Variants in LRP1B observed in about 807,000 individuals in gnomAD.
LRP1B encodes LDL receptor related protein 1B.
LRP1B carries 217 observed loss-of-function variants against 556.6 expected under a neutral mutation model. The ratio of observed to expected loss-of-function variants is 0.39; its 90% CI spans 0.35 to 0.44. The LOEUF (loss-of-function observed/expected upper bound fraction) is 0.44, where lower values mean the gene tolerates loss of function less well. Among genes scored for constraint, LRP1B ranks in the 20% least tolerant of loss-of-function variants. The pLI is 1.00. For synonymous variants in LRP1B, 2,047 were observed against 1,865.8 expected (o/e 1.10, Z -2.50); for missense variants, 5,053 against 5,620.8 (o/e 0.90, Z 3.23).
chr2:141,505,404 A>G (rs1292937692), intron 2 of LRP1B, among the ~76,000 whole-genome samples: 1 of 152,094 alleles, frequency 6.6e-6, no homozygotes, highest in Non-Finnish European at 1.5e-5. Context: ...TACTTCTGGC[A>G]TCCATTGCTG....
At position 142,075,521 on chromosome 2, in the gene LRP1B, C is replaced by T. The variant is rs529621866; in HGVS notation, c.82+55127G>A. 2.6e-5 allele frequency among the ~76,000 whole-genome samples: 4 copies of T among 152,124 alleles called. No homozygotes were observed. The East Asian group carries it at 7.8e-4, about 30-fold the overall frequency. ...ATATAAGGTGCTTATAACCAATGAC[C>T]CACACCACTCTTTTAAAGAAGCACA... On this transcript the variant is annotated intron_variant, in intron 1 of 90. Coordinates refer to ENST00000389484, the MANE Select transcript of LRP1B (RefSeq NM_018557.3).
chr2:141,413,663 GCA>G (rs1690944158), intron 3 of LRP1B, among the ~76,000 whole-genome samples: 1 of 152,170 alleles, frequency 6.6e-6, no homozygotes, highest in Non-Finnish European at 1.5e-5. Flanking sequence ...TGTAATCCCA[GCA>G]CTTTGGGAGG....
At chr2:141,774,514 C>T (rs1694997876) in intron 2 of LRP1B, among the ~76,000 whole-genome samples, 1 of 152,078 alleles carries the variant, frequency 6.6e-6, no homozygotes, top group Non-Finnish European at 1.5e-5. Flanking sequence ...CACCTCCTAC[C>T]ATACTCCACC....
intron 1 of LRP1B, among the ~76,000 whole-genome samples, chr2:141,934,622 G>A (rs539598985): frequency 5.5e-4 from 84 of 152,064 alleles, no homozygotes; most frequent in Non-Finnish European, 1.1e-3. Flanking sequence ...ACATGTTGTG[G>A]GAGGGACCAG....
Position 140,280,471 on chromosome 2 carries a change from C to T in LRP1B, c.12968-5873G>A, listed in dbSNP as rs115011237. Among the ~76,000 whole-genome samples the T allele has an allele frequency of 6.7e-3, 1,014 of 151,488 alleles. 10 individuals are homozygous for T. Among genetic ancestry groups the T allele is most frequent in the African/African-American group, 0.023 (946 of 41,392 alleles). ...ACTGTACAGTTAATCATCTTATGAA[C>T]GATGTGTAATTTGGCTATAAATATA... On this transcript the variant is annotated intron_variant, in intron 84 of 90. Transcript: ENST00000389484.
intron 2 of LRP1B, among the ~76,000 whole-genome samples, chr2:141,776,064 T>C (rs1040520167): frequency 6.6e-6 from 1 of 152,178 alleles, no homozygotes; most frequent in Non-Finnish European, 1.5e-5. Flanking sequence ...GCCAGGATGG[T>C]CTCGATCTCC....
chr2:140,985,742 C>CT lies in LRP1B; in HGVS notation c.2771-3467dup, dbSNP rs539645930. Reference sequence around the variant, plus strand: ...GGACAATCTATTCTGGTCAATTGTTCTTTTTTTTTTCCCAGTGAAATATTT... The same window carrying CT: ...GGACAATCTATTCTGGTCAATTGTTCTTTTTTTTTTTCCCAGTGAAATATTT... On this transcript the variant is annotated intron_variant, in intron 17 of 90. Coordinates refer to ENST00000389484, the MANE Select transcript of LRP1B (RefSeq NM_018557.3). 4.2e-3 allele frequency among the ~76,000 whole-genome samples: 621 copies of CT among 147,884 alleles called. 2 individuals carry two copies. Among genetic ancestry groups the CT allele is most frequent in the African/African-American group, 0.011 (457 of 40,372 alleles).
chr2:140,963,757 G>A (rs1198037321), intron 18 of LRP1B, among the ~76,000 whole-genome samples: 2 of 152,082 alleles, frequency 1.3e-5, no homozygotes, highest in Admixed American at 6.6e-5. Context: ...AGGAGTTCAA[G>A]ACCAGTCTGG....
chr2:140,417,331 C>T (rs1246868149), intron 66 of LRP1B, among the ~76,000 whole-genome samples: 1 of 152,182 alleles, frequency 6.6e-6, no homozygotes, highest in Admixed American at 6.5e-5. Context: ...TTAGAAAAGG[C>T]TGCAGTTGAA....
intron 5 of LRP1B, among the ~76,000 whole-genome samples, chr2:141,235,480 G>A (rs1362141951): frequency 1.3e-5 from 2 of 152,114 alleles, no homozygotes; most frequent in East Asian, 3.9e-4. Flanking sequence ...CAAGTTTCCT[G>A]ATGGTGTTGG....
intron 2 of LRP1B, among the ~76,000 whole-genome samples, chr2:141,774,209 C>T (rs1027075569): frequency 1.1e-4 from 17 of 152,118 alleles, no homozygotes; most frequent in Admixed American, 9.2e-4. Flanking sequence ...TTTTTGATTG[C>T]TATAAATAAA....
chr2:141,370,628 G>T (rs1390786332), intron 3 of LRP1B, among the ~76,000 whole-genome samples: 2 of 151,866 alleles, frequency 1.3e-5, no homozygotes, highest in African/African-American at 4.8e-5. Flanking sequence ...TATTTCTTTT[G>T]CTGTGCAGAA....
intron 41 of LRP1B, among the ~76,000 whole-genome samples, chr2:140,667,092 C>T (rs145802897): frequency 1.4e-4 from 21 of 152,282 alleles, no homozygotes; most frequent in East Asian, 3.9e-4. Flanking sequence ...GAAAGTTAGG[C>T]GCATTGGCAT....
intron 2 of LRP1B, among the ~76,000 whole-genome samples, chr2:141,509,081 C>G (rs775539630): frequency 2.0e-5 from 3 of 152,048 alleles, no homozygotes; most frequent in Non-Finnish European, 2.9e-5. Context: ...CTTTGCAACT[C>G]CGGGTATCCA....
chr2:140,696,572 C>T (rs1461697138), intron 41 of LRP1B, among the ~76,000 whole-genome samples: 1 of 152,116 alleles, frequency 6.6e-6, no homozygotes, highest in African/African-American at 2.4e-5. Flanking sequence ...AACCCCTGGA[C>T]CACAGATGAG....
At chr2:140,611,112 C>T (rs944444657) in intron 41 of LRP1B, among the ~76,000 whole-genome samples, 2 of 152,146 alleles carry the variant, frequency 1.3e-5, no homozygotes, top group Non-Finnish European at 2.9e-5. Flanking sequence ...ATTATCATCC[C>T]CATTTTTCTA....
At chr2:140,739,213 C>G (rs1224820340) in intron 35 of LRP1B, among the ~76,000 whole-genome samples, 2 of 152,110 alleles carry the variant, frequency 1.3e-5, no homozygotes, top group Non-Finnish European at 2.9e-5. Flanking sequence ...ATGTCAGCCA[C>G]CATATGGGTG....
At chr2:142,015,320 T>C (rs888316789) in intron 1 of LRP1B, among the ~76,000 whole-genome samples, 2 of 152,272 alleles carry the variant, frequency 1.3e-5, no homozygotes, top group African/African-American at 4.8e-5. Flanking sequence ...GCTAGCGATA[T>C]GCAGAAAACT....
At chr2:141,658,069 C>A (rs1369282629) in intron 2 of LRP1B, among the ~76,000 whole-genome samples, 2 of 152,042 alleles carry the variant, frequency 1.3e-5, no homozygotes, top group African/African-American at 4.8e-5. Flanking sequence ...ATTTTTACAT[C>A]AGACTCAAGC....
Sources: gnomAD v4.1 joint callset for allele counts (sites outside exome capture counted in the v4.1 genomes callset) on GRCh38, gnomAD v4.1.1 for gene constraint, MANE v1.5 for transcripts, NCBI Gene and HGNC (gene_info 2026-07-23, HGNC 2026-07-21) for gene names.